Variants in KDM6B observed in about 807,000 individuals in gnomAD.
KDM6B encodes the protein lysine demethylase 6B, also known as lysine-specific demethylase 6B.
Under a neutral mutation model 150.4 loss-of-function variants are expected in KDM6B, and 22 were observed. The ratio of observed to expected loss-of-function variants is 0.15; its 90% CI spans 0.10 to 0.21. The LOEUF (loss-of-function observed/expected upper bound fraction) is 0.21, where lower values mean the gene tolerates loss of function less well. Among genes scored for constraint, KDM6B ranks in the 10% least tolerant of loss-of-function variants. The pLI is 1.00. For missense variants in KDM6B, 1,984 were observed against 2,234.3 expected (o/e 0.89, Z 2.26); for synonymous variants, 1,148 against 921.1 (o/e 1.25, Z -4.46).
intron 7 of KDM6B, 29 bp from the exon 8 acceptor site, chr17:7,846,371 G>GGGCCGGGCCCGGGGGACCCCC: frequency 6.7e-7 from 1 of 1,488,926 alleles, no homozygotes; most frequent in Non-Finnish European, 9.2e-7. Context: ...CCTGACATCT[G>GGGCCGGGCCCGGGGGACCCCC]CCCCTGCCCC....
chr17:7,846,395 C>G lies in KDM6B; in HGVS notation c.457-5C>G, dbSNP rs191172177. 6.3e-7 allele frequency: 1 copy of G among 1,587,942 alleles called. No homozygotes were observed. The highest frequency in any genetic ancestry group is 8.6e-7 in the Non-Finnish European group (1 of 1,167,010). On this transcript the variant is annotated splice_region_variant and splice_polypyrimidine_tract_variant and intron_variant, in intron 7 of 23. Transcript: ENST00000448097. ...TGCCCCTGCCCCGTGTCCCCCCACC[C>G]CCAGGCCCAGCTCTGGAACTTTCAT...
Position 7,848,516 on chromosome 17 carries a change from C to T in KDM6B, c.2228C>T (p.Thr743Ile). ...CCTTTCCCCACCGACACAGCCCCCACCACTACTGCTCCTGCTGTCGCCGTC... is the reference window on the plus strand; with the variant it reads ...CCTTTCCCCACCGACACAGCCCCCATCACTACTGCTCCTGCTGTCGCCGTC... ...QSPFPTDTAP[T>I]TTAPAVAVTT... The change falls in exon 12 of 24, where the codon ACC (threonine) becomes ATC (isoleucine). Residue 743 changes from threonine to isoleucine, a missense_variant. Thr to Ile is a moderately conservative substitution (Grantham distance 89, BLOSUM62 -1). This residue lies in a region of KDM6B where 1,379 missense variants were observed against 1,275.6 expected (regional missense o/e 1.08). Transcript: ENST00000448097. 6.2e-7 allele frequency: 1 copy of T among 1,611,906 alleles called. No individual in the cohort carries two copies. The highest frequency in any genetic ancestry group is 1.1e-5 in the South Asian group (1 of 90,964).
At position 7,847,528 on chromosome 17, in the gene KDM6B, C is replaced by T. The variant is rs759561170; in HGVS notation, c.1258-18C>T. On this transcript the variant is annotated intron_variant, in intron 11 of 23. Coordinates refer to ENST00000448097, the MANE Select transcript of KDM6B (RefSeq NM_001348716.2). ...GCAGCCCGAGCAATGCTCCTACCAC[C>T]TGCTTCTACACTTGCAGCCCGGCGC... is the stretch of plus-strand genomic sequence containing the variant. The T allele has an allele frequency of 1.2e-6, 2 of 1,613,110 alleles. No individual in the cohort carries two copies. The highest frequency in any genetic ancestry group is 1.7e-4 in the Middle Eastern group (1 of 6,060).
Position 7,849,884 on chromosome 17 carries a change from G to A in KDM6B, c.3504G>A (p.Pro1168=), listed in dbSNP as rs1208047182. ...SYLSPAQSVK[P]KINTEEKLPR... ...TTTCCCCTGCCCAGTCTGTGAAACC[G>A]AAGATCAACACTGAGGAGAAGCTGC... Residue 1168 remains proline (P), a synonymous_variant, in exon 13 of 24, where the codon CCG becomes CCA. Transcript: ENST00000448097. 6.2e-7 allele frequency: 1 copy of A among 1,612,750 alleles called. No homozygotes were observed. The highest frequency in any genetic ancestry group is 1.3e-5 in the African/African-American group (1 of 74,758).
chr17:7,853,493 C>T lies in KDM6B; in HGVS notation c.4909-5C>T, dbSNP rs2078746854. On this transcript the variant is annotated splice_region_variant and splice_polypyrimidine_tract_variant and intron_variant, in intron 23 of 23. Coordinates refer to ENST00000448097, the MANE Select transcript of KDM6B (RefSeq NM_001348716.2). The stretch of plus-strand genomic sequence containing the variant: ...CCTGAGCCCCCGCCGGCTTTCTCCC[C>T]CCAGGCCCCAGCCAGCACGTCGCGA... The T allele has an allele frequency of 6.6e-7, 1 of 1,508,248 alleles. No individual in the cohort carries two copies. 93.4% of individuals were successfully genotyped at this position (1,508,248 alleles called of 1,614,324 possible).
Position 7,849,396 on chromosome 17 carries a change from C to G in KDM6B, c.3108C>G (p.Pro1036=). The change falls in exon 12 of 24, where the codon CCC becomes CCG. Residue 1036 remains proline, a synonymous_variant. Transcript: ENST00000448097. ...TCCAGGGTCGTGAGAAGTCCCGGCCCGATCTTGGCGGGGCCTCCAAGGCCA... is the reference window on the plus strand; with the variant it reads ...TCCAGGGTCGTGAGAAGTCCCGGCCGGATCTTGGCGGGGCCTCCAAGGCCA... The part of the protein sequence containing the change: ...EEIQGREKSR[P]DLGGASKAKP... The G allele has an allele frequency of 1.2e-6, 2 of 1,611,214 alleles. No individual in the cohort carries two copies. The highest frequency in any genetic ancestry group is 1.1e-5 in the South Asian group (1 of 90,766).
chr17:7,847,849 C>T lies in KDM6B; in HGVS notation c.1561C>T (p.His521Tyr), dbSNP rs1463007185. Residue 521 changes from histidine to tyrosine, a missense_variant, in exon 12 of 24, where the codon CAT (histidine) becomes TAT (tyrosine). By Grantham distance (83) the His-to-Tyr change is moderately conservative (BLOSUM62 2). Transcript: ENST00000448097. ...PPRPAPPPLP[H>Y]REGFLGPPAS... The stretch of plus-strand genomic sequence containing the variant: ...CCGCCCTGCCCCACCACCCCTCCCC[C>T]ATCGCGAGGGCTTCTTGGGGCCTCC... 2 of 1,567,144 alleles carry T rather than the reference C, an allele frequency of 1.3e-6. No individual in the cohort carries two copies. Among genetic ancestry groups the T allele is most frequent in the East Asian group, 2.3e-5 (1 of 42,746 alleles).
rs2078642099 is a variant in KDM6B, at chr17:7,849,332, G to A, written c.3044G>A (p.Arg1015His). The part of the protein sequence containing the change: ...AKAKVPKEKS[R>H]RVLGNLDLQS... ...GCCAAGGTCCCCAAAGAAAAGAGCC[G>A]CCGGGTGCTGGGGAACCTGGACCTG... Residue 1015 changes from arginine to histidine, a missense_variant, in exon 12 of 24, where the codon CGC becomes CAC. Arg to His is a conservative substitution (Grantham distance 29, BLOSUM62 0). This residue lies in a region of KDM6B where 1,379 missense variants were observed against 1,275.6 expected (regional missense o/e 1.08). Coordinates refer to ENST00000448097, the MANE Select transcript of KDM6B (RefSeq NM_001348716.2). The A allele has an allele frequency of 3.2e-6, 5 of 1,575,768 alleles. No homozygotes were observed. The highest frequency in any genetic ancestry group is 2.4e-5 in the East Asian group (1 of 42,394).
At chr17:7,842,004 C>T (rs1046842608) in intron 2 of KDM6B, among the ~76,000 whole-genome samples, 4 of 152,186 alleles carry the variant, frequency 2.6e-5, no homozygotes, top group African/African-American at 9.7e-5. Context: ...CGCCCCACCT[C>T]GGCGCGCGCG....
intron 1 of KDM6B, among the ~76,000 whole-genome samples, chr17:7,835,292 T>C (rs761314334): frequency 2.0e-5 from 3 of 152,070 alleles, no homozygotes; most frequent in Non-Finnish European, 2.9e-5. Flanking sequence ...TCCTGTTTGC[T>C]GCAGCTTATG....
chr17:7,842,117 G>C (rs1463204828), intron 2 of KDM6B, among the ~76,000 whole-genome samples: 1 of 152,220 alleles, frequency 6.6e-6, no homozygotes, highest in Non-Finnish European at 1.5e-5. Flanking sequence ...CTTACCACGC[G>C]TCCCGCGCGG....
Position 7,845,364 on chromosome 17 carries a change from T to A in KDM6B, c.-98T>A. The A allele has an allele frequency of 1.4e-6, 1 of 721,208 alleles. No individual in the cohort carries two copies. Among genetic ancestry groups the A allele is most frequent in the Non-Finnish European group, 2.5e-6 (1 of 403,772 alleles). The allele number at this position is 721,208 out of a possible 1,614,324, so 44.7% of individuals were successfully genotyped here. On this transcript the variant is annotated 5_prime_UTR_variant, in exon 4 of 24. Coordinates refer to ENST00000448097, the MANE Select transcript of KDM6B (RefSeq NM_001348716.2). Reference sequence around the variant, plus strand: ...GCCATCTGGGGGTAGCGGGCACTCTTATCAGAGCGGCTGGAGCCGGACCAT... The same window carrying A: ...GCCATCTGGGGGTAGCGGGCACTCTAATCAGAGCGGCTGGAGCCGGACCAT...
intron 16 of KDM6B, 23 bp downstream of exon 16, chr17:7,851,417 C>G (rs1374545412): frequency 6.2e-7 from 1 of 1,614,080 alleles, no homozygotes; most frequent in Admixed American, 1.7e-5. Context: ...TGTGCCCCTT[C>G]TGTTCCTGCT....
In KDM6B at chr17:7,848,447, C is replaced by T. The variant is rs759982400; in HGVS notation, c.2159C>T (p.Ala720Val). The change falls in exon 12 of 24, where the codon GCC becomes GTC. Residue 720 changes from alanine (A) to valine (V), a missense_variant. Physicochemically the swap from Ala to Val is moderately conservative, Grantham distance 64. This residue lies in a region of KDM6B where 1,379 missense variants were observed against 1,275.6 expected (regional missense o/e 1.08). Transcript: ENST00000448097. The part of the protein sequence containing the change: ...EEQQQHEAGV[A>V]PQPPLKEPFA... ...CAGCAACAACACGAAGCAGGCGTGG[C>T]CCCCCAACCCCCGCTGAAGGAGCCC... The T allele has an allele frequency of 5.0e-6, 8 of 1,611,824 alleles. No individual in the cohort carries two copies. The highest frequency in any genetic ancestry group is 1.3e-5 in the African/African-American group (1 of 74,978).
chr17:7,852,372 G>A (rs765179907), intron 20 of KDM6B, 36 bp downstream of exon 20: 2 of 1,597,676 alleles, frequency 1.3e-6, no homozygotes, highest in South Asian at 1.1e-5. Flanking sequence ...GTGGTGTGGC[G>A]CCTCAGCGGC....
rs2078769509 is a variant in KDM6B at position 7,854,399 on chromosome 17, G to A, written c.*878G>A. On this transcript the variant is annotated 3_prime_UTR_variant, in exon 24 of 24. Coordinates refer to ENST00000448097, the MANE Select transcript of KDM6B (RefSeq NM_001348716.2). ...AGGGGAAGAAGTGGGAACTGAAATGGTATTTTGTAAAAAAAATAAATAAAA... is the reference window on the plus strand; with the variant it reads ...AGGGGAAGAAGTGGGAACTGAAATGATATTTTGTAAAAAAAATAAATAAAA... 1 of 133,666 alleles carries A rather than the reference G, an allele frequency of 7.5e-6. No homozygotes were observed. The highest frequency in any genetic ancestry group is 7.2e-5 in the Admixed American group (1 of 13,950). 8.3% of individuals were successfully genotyped at this position (133,666 alleles called of 1,614,324 possible). A position where few individuals can be genotyped will look rare whatever the true frequency, so the allele number is the denominator to read the frequency against.
In KDM6B at chr17:7,843,330, C is replaced by G. The variant is rs1263674650; in HGVS notation, c.-268-1571C>G. The stretch of plus-strand genomic sequence containing the variant: ...ACTTGACCACAGTTCAGCGCCGTAC[C>G]TGGCTTGGTTACTGATGGAAAGGAT... On this transcript the variant is annotated intron_variant, in intron 2 of 23. Transcript: ENST00000448097. This position sits in a 1 kb window ranked among gnomAD's most constrained non-coding sequence, Gnocchi z 4.5. Among the ~76,000 whole-genome samples the G allele has an allele frequency of 6.6e-6, 1 of 152,138 alleles. No homozygotes were observed. Among genetic ancestry groups the G allele is most frequent in the Non-Finnish European group, 1.5e-5 (1 of 68,016 alleles).
rs1427779332 is a variant in KDM6B at position 7,847,090 on chromosome 17, G to A, written c.910-15G>A. On this transcript the variant is annotated splice_polypyrimidine_tract_variant and intron_variant, in intron 10 of 23. Transcript: ENST00000448097. ...TCTCTATTCCTCATCCTGCATCCCT[G>A]TTTATCTCCTATAGGAGCAGCGGCA... 4.3e-6 allele frequency: 7 copies of A among 1,612,322 alleles called. No homozygotes were observed. The highest frequency in any genetic ancestry group is 2.2e-5 in the South Asian group (2 of 91,060).
intron 1 of KDM6B, among the ~76,000 whole-genome samples, chr17:7,834,599 C>T (rs1313442474): frequency 6.8e-6 from 1 of 146,184 alleles, no homozygotes; most frequent in Non-Finnish European, 1.5e-5. Context: ...CTCCCCGTTC[C>T]CCTTGGGCTG....
Sources: gnomAD v4.1 joint callset for allele counts (sites outside exome capture counted in the v4.1 genomes callset) on GRCh38, gnomAD v4.1.1 for gene constraint, gnomAD v4.1.1 regional missense constraint, Gnocchi (gnomAD v3.1) non-coding constraint, MANE v1.5 for transcripts, NCBI Gene and HGNC (gene_info 2026-07-23, HGNC 2026-07-21) for gene names.